NAALADL2: variants seen among roughly 807,000 people sequenced by gnomAD.
NAALADL2 encodes the protein inactive N-acetylated-alpha-linked acidic dipeptidase-like protein 2.
A neutral mutation model predicts 87.2 loss-of-function variants in NAALADL2; 76 were observed. That is an observed-to-expected ratio of 0.87 (90% CI 0.72 to 1.05). The LOEUF is 1.05. Ranked by LOEUF, NAALADL2 falls within the 50% of genes least tolerant of loss-of-function variation. NAALADL2 has a pLI of 0.00. For missense variants in NAALADL2, 1,089 were observed against 945.8 expected, an observed-to-expected ratio of 1.15 and a Z score of -1.99; for synonymous variants, 354 against 331.0, an observed-to-expected ratio of 1.07 and a Z score of -0.75.
chr3:174,886,918 C>G (rs1730228190), intron 1 of NAALADL2, among the ~76,000 whole-genome samples: 1 of 152,160 alleles, frequency 6.6e-6, no homozygotes, highest in African/African-American at 2.4e-5. Flanking sequence ...CACTCACTCT[C>G]TTTTCCCTTC....
intron 9 of NAALADL2, among the ~76,000 whole-genome samples, chr3:175,505,501 C>T (rs1262787725): frequency 1.3e-5 from 2 of 151,984 alleles, no homozygotes; most frequent in East Asian, 3.9e-4. Flanking sequence ...ATAGACACTA[C>T]TTGTAGGAAT....
intron 2 of NAALADL2, among the ~76,000 whole-genome samples, chr3:175,168,757 A>G (rs533984326): frequency 8.6e-5 from 13 of 151,910 alleles, no homozygotes; most frequent in Non-Finnish European, 1.6e-4. Flanking sequence ...ATTCAGGCCA[A>G]TTTGTTTTCT....
At chr3:174,879,537 ATTTTC>A (rs913175298) in intron 1 of NAALADL2, among the ~76,000 whole-genome samples, 4 of 152,076 alleles carry the variant, frequency 2.6e-5, no homozygotes, top group African/African-American at 9.7e-5. Flanking sequence ...ATGTAAATTA[ATTTTC>A]TTTTCATATG....
chr3:175,591,782 GTGTATATATATATATATATATATATA>G (rs1171563048), intron 10 of NAALADL2, among the ~76,000 whole-genome samples: 6 of 20,534 alleles, frequency 2.9e-4, no homozygotes, highest in East Asian at 3.4e-3. Flanking sequence ...GTGTGTGTGT[GTGTATATATATATATATATATATATA>G]TATATATATA....
intron 2 of NAALADL2, among the ~76,000 whole-genome samples, chr3:174,714,306 A>C (rs1280095433): frequency 1.3e-5 from 2 of 152,078 alleles, no homozygotes; most frequent in Non-Finnish European, 2.9e-5. Context: ...TTCCATATGA[A>C]CTTTAAAGTA....
intron 13 of NAALADL2, among the ~76,000 whole-genome samples, chr3:175,788,561 G>A (rs981664224): frequency 6.6e-6 from 1 of 152,256 alleles, no homozygotes; most frequent in Non-Finnish European, 1.5e-5. Context: ...ATGAAGCCTA[G>A]GTGTGTAGTA....
At chr3:174,612,413 G>A (rs2902070) in intron 2 of NAALADL2, among the ~76,000 whole-genome samples, 6 of 151,918 alleles carry the variant, frequency 3.9e-5, no homozygotes, top group African/African-American at 7.3e-5. Flanking sequence ...CTTTAAGGCC[G>A]ATAACTCTTA....
intron 2 of NAALADL2, among the ~76,000 whole-genome samples, chr3:174,714,136 C>T (rs1449825765): frequency 2.0e-5 from 3 of 152,066 alleles, no homozygotes; most frequent in Admixed American, 1.3e-4. Context: ...TTTCTGAGGG[C>T]TCTATTCTGT....
chr3:174,905,535 T>C (rs1732859316), intron 1 of NAALADL2, among the ~76,000 whole-genome samples: 1 of 152,012 alleles, frequency 6.6e-6, no homozygotes, highest in African/African-American at 2.4e-5. Flanking sequence ...CACAGGAAAC[T>C]ATAAGCATTA....
At chr3:174,882,744 T>G (rs1195038397) in intron 1 of NAALADL2, among the ~76,000 whole-genome samples, 4 of 141,452 alleles carry the variant, frequency 2.8e-5, no homozygotes, top group Non-Finnish European at 6.4e-5. Context: ...TCTATGTGTA[T>G]ATACACACGT....
At chr3:174,963,557 C>T (rs1742434074) in intron 1 of NAALADL2, among the ~76,000 whole-genome samples, 1 of 152,104 alleles carries the variant, frequency 6.6e-6, no homozygotes, top group Non-Finnish European at 1.5e-5. Context: ...ACTTTGTTGA[C>T]CTATCATCTT....
At chr3:175,319,766 G>T (rs1759604539) in intron 4 of NAALADL2, among the ~76,000 whole-genome samples, 1 of 152,212 alleles carries the variant, frequency 6.6e-6, no homozygotes, top group Non-Finnish European at 1.5e-5. Context: ...GTTGTGGTGA[G>T]TCGAGATTGC....
intron 2 of NAALADL2, among the ~76,000 whole-genome samples, chr3:174,644,004 C>T (rs1484029633): frequency 6.6e-6 from 1 of 152,172 alleles, no homozygotes; most frequent in Non-Finnish European, 1.5e-5. Context: ...GTCACTACCA[C>T]AGTAGTTTAT....
chr3:174,979,900 C>T (rs1302391599), intron 1 of NAALADL2, among the ~76,000 whole-genome samples: 1 of 152,128 alleles, frequency 6.6e-6, no homozygotes, highest in Non-Finnish European at 1.5e-5. Flanking sequence ...TGATGAAAAT[C>T]TTTCAATGAC....
At chr3:175,286,449 G>C (rs2110111894) in intron 4 of NAALADL2, among the ~76,000 whole-genome samples, 1 of 152,264 alleles carries the variant, frequency 6.6e-6, no homozygotes, top group Middle Eastern at 3.4e-3. Flanking sequence ...CCCAGAAAGT[G>C]AGAAAGGATT....
chr3:175,126,799 T>A (rs1467443261), intron 2 of NAALADL2, among the ~76,000 whole-genome samples: 2 of 150,466 alleles, frequency 1.3e-5, no homozygotes, highest in African/African-American at 4.9e-5. Flanking sequence ...TCCAGATTTA[T>A]CAAAACCAAA....
At chr3:175,042,227 A>T in intron 1 of NAALADL2, among the ~76,000 whole-genome samples, 1 of 152,130 alleles carries the variant, frequency 6.6e-6, no homozygotes, top group Admixed American at 6.5e-5. Context: ...AGGTTCATTT[A>T]TGTTATCACA....
intron 5 of NAALADL2, among the ~76,000 whole-genome samples, chr3:175,383,038 T>C (rs1267515246): frequency 6.6e-6 from 1 of 152,076 alleles, no homozygotes; most frequent in African/African-American, 2.4e-5. Flanking sequence ...TTTTTTCTTT[T>C]TAAGTTTTTA....
At chr3:174,511,170 G>A (rs1488443177) in intron 1 of NAALADL2, among the ~76,000 whole-genome samples, 1 of 151,932 alleles carries the variant, frequency 6.6e-6, no homozygotes, top group Non-Finnish European at 1.5e-5. Flanking sequence ...GGCTACAAAT[G>A]TTAATTAGAT....
Sources: gnomAD v4.1 joint callset for allele counts (sites outside exome capture counted in the v4.1 genomes callset) on GRCh38, gnomAD v4.1.1 for gene constraint, MANE v1.5 for transcripts, NCBI Gene and HGNC (gene_info 2026-07-23, HGNC 2026-07-21) for gene names.